The following PLAC8L1 variants were observed in gnomAD, a reference collection of about 807,000 sequenced individuals.
PLAC8L1 encodes the protein PLAC8 like 1.
In PLAC8L1, 13 loss-of-function variants were observed where a neutral mutation model predicts 16.3. The ratio of observed to expected loss-of-function variants is 0.80; its 90% confidence interval spans 0.52 to 1.27. The LOEUF (loss-of-function observed/expected upper bound fraction) is 1.27. Among genes scored for constraint, PLAC8L1 ranks in the 50% most tolerant of loss-of-function variants. The pLI, the probability that PLAC8L1 is intolerant of heterozygous loss-of-function variation, is 0.00. For missense variants in PLAC8L1, 184 were observed against 220.2 expected, an observed-to-expected ratio of 0.84 and a Z score of 1.04; for synonymous variants, 78 against 79.3, an observed-to-expected ratio of 0.98 and a Z score of 0.09.
At chr5:146,096,558 G>A (rs929421) in intron 2 of PLAC8L1, among the ~76,000 whole-genome samples, 2 of 152,146 alleles carry the variant, frequency 1.3e-5, no homozygotes, top group African/African-American at 2.4e-5. Context: ...CTTGTTCAAC[G>A]TTACATGGCC....
Position 146,084,516 on chromosome 5 carries a change from G to T in PLAC8L1, c.450C>A (p.Cys150Ter), listed in dbSNP as rs1290876721. The change falls in exon 4 of 4, where the codon TGC becomes TGA. Residue 150 changes from cysteine (C) to a stop codon, truncating the protein, a stop_gained. Transcript: ENST00000311450. LOFTEE classifies it high-confidence loss of function. ...AVHCCWAFSI[C>*]QVARELKMRT... ...TCATCTTGAGTTCCCGGGCCACCTG[G>T]CAGATGGAAAAAGCCCAACAGCAGT... 26 of 1,614,026 alleles carry T rather than the reference G, an allele frequency of 1.6e-5. No homozygotes were observed. The highest frequency in any genetic ancestry group is 2.2e-5 in the Non-Finnish European group (26 of 1,180,042).
At chr5:146,102,520 A>T (rs1763837699) in intron 1 of PLAC8L1, among the ~76,000 whole-genome samples, 1 of 152,212 alleles carries the variant, frequency 6.6e-6, no homozygotes, top group African/African-American at 2.4e-5. Context: ...TGCTACAGGT[A>T]TCAGACTCAA....
chr5:146,084,496 T>G lies in PLAC8L1; in HGVS notation c.470A>C (p.Lys157Thr), dbSNP rs780793128. The G allele has an allele frequency of 1.2e-6, 2 of 1,614,220 alleles. No homozygotes were observed. Among genetic ancestry groups the G allele is most frequent in the Non-Finnish European group, 1.7e-6 (2 of 1,180,044 alleles). ...TTCATAGACTTGGGAGGTCCTCATC[T>G]TGAGTTCCCGGGCCACCTGGCAGAT... ...FSICQVAREL[K>T]MRTSQVYEIC... The change falls in exon 4 of 4, where the codon AAG (lysine) becomes ACG (threonine). Residue 157 changes from lysine to threonine, a missense_variant. Physicochemically the swap from Lys to Thr is moderately conservative, Grantham distance 78. Transcript: ENST00000311450.
chr5:146,102,880 T>C (rs918613888), intron 1 of PLAC8L1, among the ~76,000 whole-genome samples: 1 of 152,156 alleles, frequency 6.6e-6, no homozygotes, highest in African/African-American at 2.4e-5. Context: ...AACAAGATCA[T>C]GTATGTACCT....
chr5:146,085,524 C>T lies in PLAC8L1; in HGVS notation c.330G>A (p.Trp110Ter), dbSNP rs1204061930. Residue 110 changes from tryptophan to a stop codon, truncating the protein, a stop_gained, in exon 3 of 4, where the codon TGG (tryptophan) becomes TGA (stop). Transcript: ENST00000311450. LOFTEE classifies it high-confidence loss of function. The part of the protein sequence containing the change: ...IARHYGECLC[W>*]PLLPGSTFAL... Reference sequence around the variant, plus strand: ...CAAAGGTGGACCCAGGTAACAACGGCCAACAAAGACACTCTCCATAATGCC... The same window carrying T: ...CAAAGGTGGACCCAGGTAACAACGGTCAACAAAGACACTCTCCATAATGCC... 10 of 1,613,992 alleles carry T rather than the reference C, an allele frequency of 6.2e-6. No individual in the cohort carries two copies. The highest frequency in any genetic ancestry group is 8.5e-6 in the Non-Finnish European group (10 of 1,180,032).
intron 2 of PLAC8L1, among the ~76,000 whole-genome samples, chr5:146,090,926 T>C (rs1390696132): frequency 6.6e-6 from 1 of 151,786 alleles, no homozygotes; most frequent in Non-Finnish European, 1.5e-5. Context: ...TGGTGGCAGG[T>C]GTCTGTAATC....
At chr5:146,101,635 C>A (rs1763819525) in intron 1 of PLAC8L1, among the ~76,000 whole-genome samples, 1 of 152,174 alleles carries the variant, frequency 6.6e-6, no homozygotes, top group Admixed American at 6.5e-5. Context: ...TCTCTTGTCT[C>A]TTCTGTTATA....
chr5:146,094,751 C>A (rs1015582169), intron 2 of PLAC8L1, among the ~76,000 whole-genome samples: 5 of 152,176 alleles, frequency 3.3e-5, no homozygotes, highest in Non-Finnish European at 5.9e-5. Flanking sequence ...AAGAAGGAAG[C>A]ACTTAAAATA....
intron 2 of PLAC8L1, among the ~76,000 whole-genome samples, chr5:146,092,745 C>T (rs1326753116): frequency 6.6e-6 from 1 of 151,938 alleles, no homozygotes; most frequent in Non-Finnish European, 1.5e-5. Context: ...ACCATGTTGG[C>T]CAGGCTGGTC....
intron 2 of PLAC8L1, among the ~76,000 whole-genome samples, chr5:146,095,940 G>A (rs1763711927): frequency 6.6e-6 from 1 of 152,194 alleles, no homozygotes; most frequent in African/African-American, 2.4e-5. Flanking sequence ...GCTATCCCAT[G>A]GCCTTCTAAT....
intron 2 of PLAC8L1, among the ~76,000 whole-genome samples, chr5:146,088,484 A>G (rs1763559799): frequency 6.6e-6 from 1 of 152,136 alleles, no homozygotes; most frequent in Non-Finnish European, 1.5e-5. Context: ...CCCACTCCCA[A>G]ATTCAGTGAC....
chr5:146,098,429 A>G (rs1763753881), intron 1 of PLAC8L1, 137 bp from the exon 2 acceptor site: 1 of 706,474 alleles, frequency 1.4e-6, no homozygotes. Context: ...CGACTTTGCC[A>G]TCTCCCTCCC....
chr5:146,092,227 T>G (rs1383132538), intron 2 of PLAC8L1, among the ~76,000 whole-genome samples: 1 of 152,222 alleles, frequency 6.6e-6, no homozygotes, highest in African/African-American at 2.4e-5. Context: ...AACAATGAGA[T>G]GCTCAGAAAA....
Position 146,084,498 on chromosome 5 carries a change from G to A in PLAC8L1, c.468C>T (p.Leu156=). The A allele has an allele frequency of 6.2e-7, 1 of 1,614,178 alleles. No homozygotes were observed. The highest frequency in any genetic ancestry group is 8.5e-7 in the Non-Finnish European group (1 of 1,180,032). ...CATAGACTTGGGAGGTCCTCATCTT[G>A]AGTTCCCGGGCCACCTGGCAGATGG... is the stretch of plus-strand genomic sequence containing the variant. The part of the protein sequence containing the change: ...AFSICQVARE[L]KMRTSQVYEI... Residue 156 remains leucine (L), a synonymous_variant, in exon 4 of 4, where the codon CTC becomes CTT. Coordinates refer to ENST00000311450, the MANE Select transcript of PLAC8L1 (RefSeq NM_001029869.3).
At chr5:146,092,655 C>T (rs1399429608) in intron 2 of PLAC8L1, among the ~76,000 whole-genome samples, 1 of 149,662 alleles carries the variant, frequency 6.7e-6, no homozygotes, top group Admixed American at 6.8e-5. Flanking sequence ...GATTTTCCTG[C>T]TTCAGCATCC....
At chr5:146,103,645 G>A (rs761885704) in intron 1 of PLAC8L1, 3 of 984,252 alleles carry the variant, frequency 3.0e-6, no homozygotes, top group Non-Finnish European at 3.6e-6. Flanking sequence ...CAGGAGGCAG[G>A]AGGCTAACTC....
intron 3 of PLAC8L1, among the ~76,000 whole-genome samples, chr5:146,085,100 C>CTT (rs5871956): frequency 1.0e-4 from 15 of 148,222 alleles, no homozygotes; most frequent in South Asian, 4.3e-4. Flanking sequence ...CTGTGCCTTA[C>CTT]TTTTTTTTTT....
chr5:146,088,325 T>A (rs1351854944), intron 2 of PLAC8L1, among the ~76,000 whole-genome samples: 1 of 152,188 alleles, frequency 6.6e-6, no homozygotes, highest in Non-Finnish European at 1.5e-5. Flanking sequence ...TTATTTTAGT[T>A]ACTCTTGTGA....
chr5:146,089,460 T>G (rs1437594724), intron 2 of PLAC8L1, among the ~76,000 whole-genome samples: 1 of 152,194 alleles, frequency 6.6e-6, no homozygotes, highest in Non-Finnish European at 1.5e-5. Context: ...GGTATTCTTC[T>G]TATCCCCATT....
Sources: allele counts gnomAD v4.1 joint callset (sites outside exome capture counted in the v4.1 genomes callset), GRCh38; gene constraint gnomAD v4.1.1; transcripts MANE v1.5; gene names NCBI Gene and HGNC (gene_info 2026-07-23, HGNC 2026-07-21).